Variants in NCK2 observed in about 807,000 individuals in gnomAD.
NCK2 encodes the protein cytoplasmic protein NCK2.
NCK2 carries 16 observed loss-of-function variants against 33.9 expected under a neutral mutation model. The ratio of observed to expected loss-of-function variants is 0.47; its 90% confidence interval spans 0.32 to 0.72. The LOEUF is 0.72. Ranked by LOEUF, NCK2 falls within the 30% of genes least tolerant of loss-of-function variation. The pLI is 0.03. For synonymous variants in NCK2, 273 were observed against 239.9 expected (o/e 1.14, Z -1.27); for missense variants, 418 against 537.3 (o/e 0.78, Z 2.19).
intron 2 of NCK2, among the ~76,000 whole-genome samples, chr2:105,820,330 A>G (rs1031319470): frequency 6.6e-6 from 1 of 152,244 alleles, no homozygotes; most frequent in African/African-American, 2.4e-5. Context: ...GTCAGAAAGA[A>G]GTGAAATAAA....
At chr2:105,881,012 C>T (rs1009889284) in intron 3 of NCK2, among the ~76,000 whole-genome samples, 9 of 145,488 alleles carry the variant, frequency 6.2e-5, no homozygotes, top group Non-Finnish European at 1.0e-4. Flanking sequence ...TCTCAGACTC[C>T]TGGCCTCAAG....
intron 1 of NCK2, among the ~76,000 whole-genome samples, chr2:105,810,401 C>A (rs533255602): frequency 4.6e-5 from 7 of 152,278 alleles, no homozygotes; most frequent in African/African-American, 1.7e-4. Context: ...GATTTGCTTT[C>A]CTGACTCCTC....
intron 1 of NCK2, among the ~76,000 whole-genome samples, chr2:105,769,711 AC>A (rs1232234987): frequency 5.3e-5 from 8 of 152,338 alleles, no homozygotes; most frequent in African/African-American, 1.9e-4. Context: ...GAGGAGTTGC[AC>A]TGTGCAGTAC....
chr2:105,889,571 CTT>C (rs35868906), intron 4 of NCK2, among the ~76,000 whole-genome samples: 1,646 of 132,768 alleles, frequency 0.012, 9 homozygotes, highest in African/African-American at 0.017. Context: ...ATTTGCATTT[CTT>C]TTTTTTTTTT....
intron 1 of NCK2, among the ~76,000 whole-genome samples, chr2:105,793,999 G>T (rs148489770): frequency 0.019 from 2,813 of 150,002 alleles, 49 homozygotes; most frequent in Non-Finnish European, 0.022. Context: ...AATTCACATT[G>T]ATACTTATAA....
chr2:105,855,024 C>T, intron 2 of NCK2, 24 bp from the exon 3 acceptor site: 1 of 1,560,388 alleles, frequency 6.4e-7, no homozygotes, highest in South Asian at 1.1e-5. Flanking sequence ...CTCTAATGAG[C>T]ATCTCCAAAT....
rs367931132 is a variant in NCK2, at chr2:105,806,800, A to G, written c.-200-9630A>G. Among the ~76,000 whole-genome samples, 9 of 152,100 alleles carry G rather than the reference A, an allele frequency of 5.9e-5. No individual in the cohort carries two copies. The South Asian group carries it at 1.9e-3, about 32-fold the overall frequency. On this transcript the variant is annotated intron_variant, in intron 1 of 4. Transcript: ENST00000233154. Reference sequence around the variant, plus strand: ...GTTTCTTAGAAGCAAATCCCATTCCATAGGGGGCTTCGCAGTTACCAGTAA... The same window carrying G: ...GTTTCTTAGAAGCAAATCCCATTCCGTAGGGGGCTTCGCAGTTACCAGTAA...
intron 2 of NCK2, among the ~76,000 whole-genome samples, chr2:105,826,208 T>A (rs1330245203): frequency 6.6e-6 from 1 of 151,986 alleles, no homozygotes; most frequent in Admixed American, 6.6e-5. Flanking sequence ...CAAGAAGAAG[T>A]TCTGAGCAAA....
chr2:105,775,191 A>G (rs1338764034), intron 1 of NCK2, among the ~76,000 whole-genome samples: 1 of 152,208 alleles, frequency 6.6e-6, no homozygotes, highest in Non-Finnish European at 1.5e-5. Flanking sequence ...GTCATGTTGT[A>G]AGTAATTTGC....
chr2:105,771,302 C>T (rs1690129015), intron 1 of NCK2, among the ~76,000 whole-genome samples: 1 of 151,824 alleles, frequency 6.6e-6, no homozygotes, highest in Non-Finnish European at 1.5e-5. Flanking sequence ...CGGGGTGGCT[C>T]ACGTGTGTAA....
chr2:105,859,641 C>T (rs1292594765), intron 3 of NCK2, among the ~76,000 whole-genome samples: 1 of 152,216 alleles, frequency 6.6e-6, no homozygotes, highest in Non-Finnish European at 1.5e-5. Context: ...GTGGCTGGCA[C>T]CCGTGGGTGA....
chr2:105,753,560 C>T (rs1017496606), intron 1 of NCK2, among the ~76,000 whole-genome samples: 2 of 152,192 alleles, frequency 1.3e-5, no homozygotes, highest in Admixed American at 1.3e-4. Flanking sequence ...TGTGATGTGC[C>T]TCTTCATCAG....
At chr2:105,762,368 G>T (rs1689795399) in intron 1 of NCK2, among the ~76,000 whole-genome samples, 1 of 152,186 alleles carries the variant, frequency 6.6e-6, no homozygotes, top group Non-Finnish European at 1.5e-5. Context: ...GCATTCCTGG[G>T]ATTCACAGCA....
intron 3 of NCK2, among the ~76,000 whole-genome samples, chr2:105,866,802 T>A (rs1358959547): frequency 6.6e-6 from 1 of 152,182 alleles, no homozygotes; most frequent in Non-Finnish European, 1.5e-5. Context: ...GGGTACTTGG[T>A]CCTGACACAG....
chr2:105,843,825 G>A (rs1022569478), intron 2 of NCK2, among the ~76,000 whole-genome samples: 3 of 152,174 alleles, frequency 2.0e-5, no homozygotes, highest in Non-Finnish European at 2.9e-5. Context: ...TGCCCTCAAG[G>A]AGATGGAAGA....
intron 2 of NCK2, among the ~76,000 whole-genome samples, chr2:105,835,409 G>GTATATATATGTGTATATATATATACGTA (rs1553458615): frequency 2.4e-4 from 14 of 59,312 alleles, no homozygotes; most frequent in East Asian, 1.1e-3. Flanking sequence ...ATATATACGT[G>GTATATATATGTGTATATATATATACGTA]TATATATATA....
intron 2 of NCK2, among the ~76,000 whole-genome samples, chr2:105,835,411 A>ATATATATATACGTATG (rs1573179409): frequency 1.6e-5 from 2 of 121,930 alleles, no homozygotes; most frequent in East Asian, 2.6e-4. Context: ...ATATACGTGT[A>ATATATATATACGTATG]TATATATATA....
chr2:105,832,358 A>G (rs1295601369), intron 2 of NCK2, among the ~76,000 whole-genome samples: 17 of 152,204 alleles, frequency 1.1e-4, no homozygotes, highest in Admixed American at 1.1e-3. Context: ...TAAACAATAC[A>G]TTGAATAAGA....
At chr2:105,885,840 C>T (rs1040750978) in intron 4 of NCK2, among the ~76,000 whole-genome samples, 1 of 152,000 alleles carries the variant, frequency 6.6e-6, no homozygotes, top group Admixed American at 6.6e-5. Context: ...AGAACTGAAG[C>T]TTTTGTTGAG....
Sources: allele counts gnomAD v4.1 joint callset (sites outside exome capture counted in the v4.1 genomes callset), GRCh38; gene constraint gnomAD v4.1.1; transcripts MANE v1.5; gene names NCBI Gene and HGNC (gene_info 2026-07-23, HGNC 2026-07-21).